EPHA3: variants seen among roughly 807,000 people sequenced by gnomAD.
EPHA3 encodes ephrin type-A receptor 3.
In EPHA3, 42 loss-of-function variants were observed where a neutral mutation model predicts 107.1. The observed-to-expected ratio is 0.39, with a 90% CI of 0.31 to 0.51. The LOEUF (loss-of-function observed/expected upper bound fraction) is 0.51, where lower values mean the gene tolerates loss of function less well. Among genes scored for constraint, EPHA3 ranks in the 20% least tolerant of loss-of-function variants. The pLI is 0.78. For synonymous variants in EPHA3, 461 were observed against 424.8 expected (o/e 1.09, Z -1.05); for missense variants, 1,183 against 1,211.2 (o/e 0.98, Z 0.35).
rs1454244754 is a variant in EPHA3 at position 89,399,443 on chromosome 3, G to C, written c.1557G>C (p.Thr519=). Residue 519 remains threonine, a synonymous_variant, in exon 7 of 17, where the codon ACG becomes ACC. Transcript: ENST00000336596. The part of the protein sequence containing the change: ...IRARTAAGYG[T]NSRKFEFETS... ...CCCGAACAGCCGCTGGATATGGGAC[G>C]AACAGCCGCAAGTTTGAGTTTGAAA... The C allele has an allele frequency of 1.2e-6, 2 of 1,614,098 alleles. No individual in the cohort carries two copies. The highest frequency in any genetic ancestry group is 2.2e-5 in the South Asian group (2 of 91,084).
chr3:89,459,031 G>T (rs1710160537), intron 15 of EPHA3, among the ~76,000 whole-genome samples: 1 of 152,100 alleles, frequency 6.6e-6, no homozygotes, highest in South Asian at 2.1e-4. Context: ...CCTATTGGAG[G>T]GTGAAGGGAA....
intron 5 of EPHA3, among the ~76,000 whole-genome samples, chr3:89,385,063 T>C (rs182662142): frequency 6.6e-5 from 10 of 152,264 alleles, no homozygotes; most frequent in Admixed American, 6.5e-4. Flanking sequence ...AATACAAATA[T>C]TATACATACA....
intron 13 of EPHA3, among the ~76,000 whole-genome samples, chr3:89,444,194 C>T (rs544235007): frequency 2.6e-5 from 4 of 152,152 alleles, no homozygotes; most frequent in African/African-American, 9.6e-5. Flanking sequence ...AATAATGGTT[C>T]GGGTTTACTA....
chr3:89,209,744 A>T lies in EPHA3; in HGVS notation c.154-116A>T, dbSNP rs181006259. Reference sequence around the variant, plus strand: ...TTGCAAATAAAAACTACAAACAAGAATGTTTTTAATGAGTAAATGATGATT... The same window carrying T: ...TTGCAAATAAAAACTACAAACAAGATTGTTTTTAATGAGTAAATGATGATT... On this transcript the variant is annotated intron_variant, in intron 2 of 16. Coordinates refer to ENST00000336596, the MANE Select transcript of EPHA3 (RefSeq NM_005233.6). 1.2e-5 allele frequency: 10 copies of T among 858,282 alleles called. No individual in the cohort carries two copies. In the East Asian group the frequency reaches 2.5e-4, roughly 22 times the overall value. 53.2% of individuals were successfully genotyped at this position (858,282 alleles called of 1,614,324 possible).
chr3:89,181,290 A>G (rs545590799), intron 2 of EPHA3, among the ~76,000 whole-genome samples: 32 of 152,146 alleles, frequency 2.1e-4, no homozygotes, highest in African/African-American at 7.0e-4. Flanking sequence ...TTTCCAGTTG[A>G]GCAAATATGA....
intron 3 of EPHA3, among the ~76,000 whole-genome samples, chr3:89,216,823 CA>C (rs1415084315): frequency 7.2e-5 from 11 of 151,990 alleles, no homozygotes; most frequent in African/African-American, 2.7e-4. Flanking sequence ...GTAATGATTC[CA>C]GAGAATGATT....
At chr3:89,189,016 C>G (rs1705640264) in intron 2 of EPHA3, among the ~76,000 whole-genome samples, 1 of 152,146 alleles carries the variant, frequency 6.6e-6, no homozygotes, top group African/African-American at 2.4e-5. Context: ...AAGTGCTTCT[C>G]TCATGTGCTA....
chr3:89,351,146 C>A (rs1707804969), intron 5 of EPHA3, among the ~76,000 whole-genome samples: 1 of 151,306 alleles, frequency 6.6e-6, no homozygotes, highest in Admixed American at 6.6e-5. Context: ...GGGCTCCACC[C>A]AGTTCGAGCT....
At chr3:89,406,639 A>C (rs1709059952) in intron 7 of EPHA3, among the ~76,000 whole-genome samples, 1 of 152,172 alleles carries the variant, frequency 6.6e-6, no homozygotes. Context: ...GACTTTTTAC[A>C]ACTGTTAAAA....
chr3:89,304,504 A>G (rs1303459911), intron 3 of EPHA3, among the ~76,000 whole-genome samples: 1 of 152,018 alleles, frequency 6.6e-6, no homozygotes, highest in Non-Finnish European at 1.5e-5. Flanking sequence ...TTCCTCAAAT[A>G]TATCCTCACC....
chr3:89,189,756 T>G (rs1438994884), intron 2 of EPHA3, among the ~76,000 whole-genome samples: 2 of 152,190 alleles, frequency 1.3e-5, no homozygotes, highest in Non-Finnish European at 2.9e-5. Flanking sequence ...ATTTGCAATA[T>G]TTTTTCACAT....
At chr3:89,239,483 G>A (rs1049186278) in intron 3 of EPHA3, among the ~76,000 whole-genome samples, 14 of 152,106 alleles carry the variant, frequency 9.2e-5, no homozygotes, top group Non-Finnish European at 2.1e-4. Context: ...ATATCTTGCT[G>A]CTGGTGCTGT....
chr3:89,168,426 C>T (rs1705130543), intron 2 of EPHA3, among the ~76,000 whole-genome samples: 1 of 151,862 alleles, frequency 6.6e-6, no homozygotes. Flanking sequence ...CTAATGTCCT[C>T]AATCATTAAT....
At chr3:89,399,576 T>A in intron 7 of EPHA3, 96 bp downstream of exon 7, 1 of 1,531,160 alleles carries the variant, frequency 6.5e-7, no homozygotes, top group East Asian at 2.3e-5. Context: ...TTTAAACAAA[T>A]GTGATACATT....
chr3:89,164,231 T>C (rs1322888934), intron 2 of EPHA3, among the ~76,000 whole-genome samples: 1 of 152,136 alleles, frequency 6.6e-6, no homozygotes, highest in East Asian at 1.9e-4. Context: ...GCGCCACATA[T>C]AAAATACACT....
chr3:89,113,025 T>G (rs967523775), intron 1 of EPHA3, among the ~76,000 whole-genome samples: 3 of 152,184 alleles, frequency 2.0e-5, no homozygotes, highest in Admixed American at 2.0e-4. Flanking sequence ...GGTTCTGTTT[T>G]CAGAGATCTG....
chr3:89,107,857 C>T, intron 1 of EPHA3, 21 bp downstream of exon 1: 1 of 1,610,692 alleles, frequency 6.2e-7, no homozygotes, highest in Non-Finnish European at 8.5e-7. Context: ...TACCGCGACG[C>T]ACGGAGCTCT....
At chr3:89,395,540 T>C (rs1260889461) in intron 5 of EPHA3, among the ~76,000 whole-genome samples, 1 of 152,200 alleles carries the variant, frequency 6.6e-6, no homozygotes, top group African/African-American at 2.4e-5. Context: ...GCTTACATTA[T>C]AGTAGCAGAT....
At chr3:89,243,257 T>C (rs1392992646) in intron 3 of EPHA3, among the ~76,000 whole-genome samples, 1 of 152,152 alleles carries the variant, frequency 6.6e-6, no homozygotes, top group African/African-American at 2.4e-5. Flanking sequence ...TATAATCCTC[T>C]GGGTATATAC....
Sources: gnomAD v4.1 joint callset for allele counts (sites outside exome capture counted in the v4.1 genomes callset) on GRCh38, gnomAD v4.1.1 for gene constraint, MANE v1.5 for transcripts, NCBI Gene and HGNC (gene_info 2026-07-23, HGNC 2026-07-21) for gene names.